Variants in ARMC9 observed in about 807,000 individuals in gnomAD.
ARMC9 encodes the protein armadillo repeat containing 9.
A neutral mutation model predicts 107.0 loss-of-function variants in ARMC9; 94 were observed. That is an observed-to-expected ratio of 0.88 (90% CI 0.74 to 1.04). The LOEUF (loss-of-function observed/expected upper bound fraction) is 1.04. ARMC9 is among the 50% of genes least tolerant of loss of function. The pLI is 0.00. For missense variants in ARMC9, 942 were observed against 1,030.1 expected (o/e 0.91, Z 1.17); for synonymous variants, 380 against 396.9 (o/e 0.96, Z 0.51).
intron 18 of ARMC9, 49 bp from the exon 19 acceptor site, chr2:231,296,149 A>G (rs1206328949): frequency 2.8e-6 from 4 of 1,451,090 alleles, no homozygotes; most frequent in East Asian, 4.6e-5. Context: ...CTGTGGACCA[A>G]GGCTCCCACT....
intron 20 of ARMC9, among the ~76,000 whole-genome samples, chr2:231,338,062 C>T (rs2044250724): frequency 6.6e-6 from 1 of 152,148 alleles, no homozygotes. Context: ...CATCTCTTAG[C>T]GTGGCCCTGC....
chr2:231,357,031 C>G (rs190941277), intron 22 of ARMC9, among the ~76,000 whole-genome samples: 229 of 152,098 alleles, frequency 1.5e-3, no homozygotes, highest in African/African-American at 5.0e-3. Flanking sequence ...ATTGGACGTG[C>G]CTTTGGGAAG....
At chr2:231,348,704 A>G (rs988575907) in intron 21 of ARMC9, among the ~76,000 whole-genome samples, 2 of 152,278 alleles carry the variant, frequency 1.3e-5, no homozygotes, top group African/African-American at 4.8e-5. Context: ...ATTAATAATC[A>G]GAATTAAAAA....
At chr2:231,333,406 G>A (rs965581497) in intron 20 of ARMC9, among the ~76,000 whole-genome samples, 1 of 152,206 alleles carries the variant, frequency 6.6e-6, no homozygotes, top group South Asian at 2.1e-4. Flanking sequence ...GGGAACCACC[G>A]CGAACCCCTT....
chr2:231,288,773 G>T (rs1444954925), intron 17 of ARMC9: 7 of 469,176 alleles, frequency 1.5e-5, no homozygotes, highest in Admixed American at 9.4e-5. Context: ...ACGCACCGTG[G>T]TTTGACTCCA....
intron 3 of ARMC9, among the ~76,000 whole-genome samples, chr2:231,210,158 T>C (rs1313435163): frequency 6.6e-6 from 1 of 152,208 alleles, no homozygotes; most frequent in Non-Finnish European, 1.5e-5. Flanking sequence ...GGGGCACTTT[T>C]GAAGTGGCCC....
chr2:231,356,033 G>A (rs927760506), intron 22 of ARMC9, 99 bp downstream of exon 22: 2 of 1,418,536 alleles, frequency 1.4e-6, no homozygotes, highest in East Asian at 2.5e-5. Flanking sequence ...TCTGCTCCTG[G>A]GAAGCCCTCT....
At chr2:231,312,747 G>A (rs74395421) in intron 19 of ARMC9, among the ~76,000 whole-genome samples, 4,698 of 152,030 alleles carry the variant, frequency 0.031, 242 homozygotes, top group African/African-American at 0.11. Context: ...GCCTTACCAC[G>A]CTCTATCCTC....
intron 6 of ARMC9, among the ~76,000 whole-genome samples, chr2:231,226,048 G>C (rs1729078): frequency 2.6e-4 from 40 of 152,130 alleles, no homozygotes; most frequent in Non-Finnish European, 4.9e-4. Flanking sequence ...GCAGAGACAG[G>C]GTTTTGCCAT....
At chr2:231,351,966 G>A (rs1429182556) in intron 21 of ARMC9, among the ~76,000 whole-genome samples, 1 of 152,044 alleles carries the variant, frequency 6.6e-6, no homozygotes, top group South Asian at 2.1e-4. Context: ...AGAATACCAG[G>A]ACTTTTTTGG....
intron 19 of ARMC9, among the ~76,000 whole-genome samples, chr2:231,318,287 G>A (rs976295588): frequency 2.0e-5 from 3 of 151,994 alleles, no homozygotes; most frequent in Non-Finnish European, 4.4e-5. Flanking sequence ...ACTGTTGATT[G>A]GGATGGAAAT....
chr2:231,235,462 G>GCTCCACCTGCCATA, intron 8 of ARMC9, 81 bp downstream of exon 8: 1 of 1,489,358 alleles, frequency 6.7e-7, no homozygotes, highest in Non-Finnish European at 9.0e-7. Flanking sequence ...GATATGGCAG[G>GCTCCACCTGCCATA]TGGAGCCTGC....
At chr2:231,265,318 T>G (rs947629232) in intron 12 of ARMC9, among the ~76,000 whole-genome samples, 14 of 152,170 alleles carry the variant, frequency 9.2e-5, no homozygotes, top group African/African-American at 3.4e-4. Flanking sequence ...GTTTTCAGTT[T>G]GCAGTTACAA....
At chr2:231,230,785 G>T (rs537428873) in intron 7 of ARMC9, among the ~76,000 whole-genome samples, 1 of 152,220 alleles carries the variant, frequency 6.6e-6, no homozygotes, top group South Asian at 2.1e-4. Flanking sequence ...GTATACTGTT[G>T]TTATACCATT....
intron 20 of ARMC9, among the ~76,000 whole-genome samples, chr2:231,338,820 A>G (rs1227923489): frequency 6.6e-6 from 1 of 151,986 alleles, no homozygotes; most frequent in Non-Finnish European, 1.5e-5. Flanking sequence ...TGTATATGGC[A>G]AATTAGTAAT....
At chr2:231,247,122 A>G (rs1165359944) in intron 9 of ARMC9, among the ~76,000 whole-genome samples, 1 of 151,946 alleles carries the variant, frequency 6.6e-6, no homozygotes, top group Non-Finnish European at 1.5e-5. Flanking sequence ...TGCCCTGCTA[A>G]TTTTTTGTAT....
rs1050035248 is a variant in ARMC9, at chr2:231,359,362, C to T, written c.2132-1392C>T. Among the ~76,000 whole-genome samples the T allele has an allele frequency of 2.6e-5, 4 of 151,898 alleles. No individual in the cohort carries two copies. The South Asian group carries it at 6.3e-4, about 24-fold the overall frequency. ...CCAGCCTCCCAAAGTGGTGGGATTA[C>T]AGGCGTGAGCCACCGTGCTCAGCTG... is the stretch of plus-strand genomic sequence containing the variant. On this transcript the variant is annotated intron_variant, in intron 22 of 24. Transcript: ENST00000611582.
rs11558174 is a variant in ARMC9, at chr2:231,208,199, T to C, written c.124T>C (p.Leu42=). 402,797 of 1,607,608 alleles carry C rather than the reference T, an allele frequency of 0.25. 52,228 individuals are homozygous for C. Among genetic ancestry groups the C allele is most frequent in the African/African-American group, 0.36 (27,019 of 74,640 alleles). ...SKECKIKGKP[L]CKTVGGSFRD... is the part of the protein sequence containing the mutation. ...AGAATGCAAAATAAAAGGAAAACCATTGTGTAAAACAGTAGGCGGATCTTT... is the reference window on the plus strand; with the variant it reads ...AGAATGCAAAATAAAAGGAAAACCACTGTGTAAAACAGTAGGCGGATCTTT... The change falls in exon 3 of 25, where the codon TTG becomes CTG. Residue 42 remains leucine, a synonymous_variant. Coordinates refer to ENST00000611582, the MANE Select transcript of ARMC9 (RefSeq NM_001352754.2).
chr2:231,253,976 A>T (rs929146416), intron 9 of ARMC9, among the ~76,000 whole-genome samples: 1 of 151,796 alleles, frequency 6.6e-6, no homozygotes, highest in Non-Finnish European at 1.5e-5. Flanking sequence ...GAAGAAAAAG[A>T]TAGGGAGGAA....
Sources: allele counts gnomAD v4.1 joint callset (sites outside exome capture counted in the v4.1 genomes callset), GRCh38; gene constraint gnomAD v4.1.1; transcripts MANE v1.5; gene names NCBI Gene and HGNC (gene_info 2026-07-23, HGNC 2026-07-21).